Variants in PVT1 observed in about 807,000 individuals in gnomAD.
The protein encoded by PVT1 is Pvt1 oncogene, also known as CXCR4/PVT1 fusion.
chr8:128,031,131 C>A (rs543509077), intron 4 of PVT1, among the ~76,000 whole-genome samples: 2 of 152,196 alleles, frequency 1.3e-5, no homozygotes, highest in Non-Finnish European at 2.9e-5. Context: ...CAGGACAGAT[C>A]ACAAGGCTGA....
chr8:128,075,305 C>T (rs1042958450), intron 5 of PVT1, among the ~76,000 whole-genome samples: 1 of 152,078 alleles, frequency 6.6e-6, no homozygotes, highest in Non-Finnish European at 1.5e-5. Flanking sequence ...AGCAGGAAAC[C>T]TCCTCCTTCT....
chr8:127,884,203 A>G (rs1408585478), intron 2 of PVT1, among the ~76,000 whole-genome samples: 1 of 152,210 alleles, frequency 6.6e-6, no homozygotes, highest in African/African-American at 2.4e-5. Context: ...AGATTAGTTT[A>G]ACCTGTTTAT....
intron 3 of PVT1, among the ~76,000 whole-genome samples, chr8:127,961,162 G>T (rs1160167298): frequency 4.6e-5 from 7 of 152,208 alleles, no homozygotes; most frequent in African/African-American, 1.7e-4. Flanking sequence ...AGACCATTTT[G>T]ACTTTGTGCT....
At chr8:128,070,535 A>G (rs1813972833) in intron 5 of PVT1, among the ~76,000 whole-genome samples, 7 of 152,166 alleles carry the variant, frequency 4.6e-5, no homozygotes, top group Admixed American at 1.3e-4. Context: ...TGACAGCTCA[A>G]CCACCTCAGA....
intron 3 of PVT1, chr8:127,939,720 G>C (rs916287489): frequency 2.0e-5 from 3 of 152,216 alleles, no homozygotes; most frequent in Non-Finnish European, 4.4e-5. Flanking sequence ...AGAAGATGAA[G>C]AGATGATTGA....
chr8:127,892,105 C>T (rs985610853), intron 3 of PVT1, among the ~76,000 whole-genome samples: 23 of 152,292 alleles, frequency 1.5e-4, no homozygotes, highest in Middle Eastern at 6.8e-3. Context: ...TGGGGCGGGG[C>T]CTTGAGTCTG....
intron 5 of PVT1, among the ~76,000 whole-genome samples, chr8:128,096,150 C>T (rs2130175371): frequency 6.6e-6 from 1 of 152,328 alleles, no homozygotes; most frequent in African/African-American, 2.4e-5. Context: ...GGAAGGAGTC[C>T]ACTGTGTTTG....
At chr8:127,878,644 G>T (rs1204007505) in intron 2 of PVT1, among the ~76,000 whole-genome samples, 1 of 152,044 alleles carries the variant, frequency 6.6e-6, no homozygotes, top group African/African-American at 2.4e-5. Context: ...TACTGGTCTG[G>T]TCTGGTCTAG....
intron 4 of PVT1, among the ~76,000 whole-genome samples, chr8:128,015,592 G>A (rs1817363384): frequency 6.6e-6 from 1 of 151,894 alleles, no homozygotes; most frequent in African/African-American, 2.4e-5. Flanking sequence ...GGCCAACATG[G>A]TGAAACCCTG....
intron 2 of PVT1, among the ~76,000 whole-genome samples, chr8:127,884,502 G>A (rs1815503317): frequency 6.6e-6 from 1 of 152,194 alleles, no homozygotes; most frequent in Admixed American, 6.5e-5. Flanking sequence ...GAGCTGCAGG[G>A]TCATAGGGTT....
At chr8:127,896,837 T>C (rs1281129932) in intron 3 of PVT1, among the ~76,000 whole-genome samples, 1 of 139,066 alleles carries the variant, frequency 7.2e-6, no homozygotes, top group Non-Finnish European at 1.5e-5. Flanking sequence ...TCTCTGAGCC[T>C]CACTTTCTTC....
At chr8:127,812,146 G>A (rs1238914139) in intron 2 of PVT1, among the ~76,000 whole-genome samples, 1 of 148,942 alleles carries the variant, frequency 6.7e-6, no homozygotes, top group Non-Finnish European at 1.5e-5. Context: ...AAGAAAAGGA[G>A]GGGAGGAGAG....
In PVT1 at chr8:127,797,608, A is replaced by T. The variant is rs1814412418; in HGVS notation, n.372+1537A>T. On this transcript the variant is annotated intron_variant and non_coding_transcript_variant, in intron 2 of 10. Transcript: ENST00000651587. ...TTGTCTCTTCTGTTTTCTGACCTCA[A>T]ATAATCTAAGGAACTAATAACGGTA... Among the ~76,000 whole-genome samples, 3 of 152,196 alleles carry T rather than the reference A, an allele frequency of 2.0e-5. No individual in the cohort carries two copies. In the South Asian group the frequency reaches 6.2e-4, roughly 32 times the overall value.
At chr8:128,021,369 C>T (rs1044555532) in intron 4 of PVT1, among the ~76,000 whole-genome samples, 26 of 144,476 alleles carry the variant, frequency 1.8e-4, no homozygotes, top group Admixed American at 3.6e-4. Context: ...TCTTGGCTCA[C>T]TGCAAGCTCC....
chr8:128,083,531 C>CTG (rs1275926560), intron 5 of PVT1, among the ~76,000 whole-genome samples: 3 of 152,236 alleles, frequency 2.0e-5, no homozygotes, highest in Non-Finnish European at 4.4e-5. Flanking sequence ...AAAGGAGAGG[C>CTG]TGTGACTACC....
intron 4 of PVT1, among the ~76,000 whole-genome samples, chr8:128,025,116 G>C (rs185748733): frequency 6.6e-6 from 1 of 152,214 alleles, no homozygotes; most frequent in African/African-American, 2.4e-5. Context: ...GGGTGGGAGC[G>C]GTGCCAGGGA....
intron 5 of PVT1, among the ~76,000 whole-genome samples, chr8:128,095,067 GC>G (rs1814409788): frequency 6.6e-6 from 1 of 152,192 alleles, no homozygotes; most frequent in South Asian, 2.1e-4. Flanking sequence ...TAAAACTTGG[GC>G]TGCTGTTGCA....
At chr8:128,038,339 G>A (rs1183975334) in intron 4 of PVT1, among the ~76,000 whole-genome samples, 2 of 152,164 alleles carry the variant, frequency 1.3e-5, no homozygotes, top group South Asian at 4.1e-4. Flanking sequence ...TCATTATTCA[G>A]CATGTATTTA....
At chr8:127,813,199 T>G (rs1266074589) in intron 2 of PVT1, among the ~76,000 whole-genome samples, 1 of 147,018 alleles carries the variant, frequency 6.8e-6, no homozygotes. Flanking sequence ...TACAAATATA[T>G]ATAATATACA....
Sources: gnomAD v4.1 joint callset for allele counts (sites outside exome capture counted in the v4.1 genomes callset) on GRCh38, gnomAD v4.1.1 for gene constraint, MANE v1.5 for transcripts, NCBI Gene and HGNC (gene_info 2026-07-23, HGNC 2026-07-21) for gene names.